The following SLC9A2 variants were observed in gnomAD, a reference collection of about 807,000 sequenced individuals.
SLC9A2 encodes sodium/hydrogen exchanger 2.
Under a neutral mutation model 71.7 loss-of-function variants are expected in SLC9A2, and 42 were observed. The ratio of observed to expected loss-of-function variants is 0.59; its 90% CI spans 0.46 to 0.76. The LOEUF (loss-of-function observed/expected upper bound fraction) is 0.76. SLC9A2 is among the 30% of genes least tolerant of loss of function. SLC9A2 has a pLI of 0.00. For missense variants in SLC9A2, 829 were observed against 1,017.4 expected (o/e 0.81, Z 2.52); for synonymous variants, 396 against 392.5 (o/e 1.01, Z -0.10).
chr2:102,640,396 G>T (rs1676552473), intron 1 of SLC9A2, among the ~76,000 whole-genome samples: 1 of 152,168 alleles, frequency 6.6e-6, no homozygotes, highest in Non-Finnish European at 1.5e-5. Flanking sequence ...CCACAAAACT[G>T]CCCATGATTC....
intron 1 of SLC9A2, among the ~76,000 whole-genome samples, chr2:102,627,131 A>G (rs902743815): frequency 9.7e-6 from 1 of 103,314 alleles, no homozygotes; most frequent in African/African-American, 4.7e-5. Flanking sequence ...TCAAAATGTT[A>G]ACAACAACAA....
chr2:102,642,042 TATAATAATA>T (rs10682813), intron 1 of SLC9A2, among the ~76,000 whole-genome samples: 2 of 149,696 alleles, frequency 1.3e-5, no homozygotes, highest in African/African-American at 2.5e-5. Flanking sequence ...GAACTTAAAA[TATAATAATA>T]ATAATAATAA....
intron 1 of SLC9A2, among the ~76,000 whole-genome samples, chr2:102,651,051 A>G (rs971769970): frequency 2.0e-5 from 3 of 152,182 alleles, no homozygotes; most frequent in Non-Finnish European, 4.4e-5. Context: ...CTATGGATTC[A>G]TCCCTGATCA....
chr2:102,659,860 C>G (rs1162709654), intron 2 of SLC9A2, among the ~76,000 whole-genome samples: 1 of 152,176 alleles, frequency 6.6e-6, no homozygotes, highest in Non-Finnish European at 1.5e-5. Flanking sequence ...GACTGAGGAC[C>G]TTTGAATGGG....
chr2:102,663,234 T>C (rs575952415), intron 2 of SLC9A2, among the ~76,000 whole-genome samples: 1 of 152,300 alleles, frequency 6.6e-6, no homozygotes, highest in Non-Finnish European at 1.5e-5. Flanking sequence ...GTCTCTTTTG[T>C]TCTTCTCTGA....
intron 1 of SLC9A2, among the ~76,000 whole-genome samples, chr2:102,642,379 A>G (rs1386119464): frequency 6.6e-6 from 1 of 152,208 alleles, no homozygotes; most frequent in Non-Finnish European, 1.5e-5. Flanking sequence ...TTAATCATGA[A>G]TAGATGTTGA....
At chr2:102,697,680 T>TGTATATCACA (rs575368675) in intron 7 of SLC9A2, among the ~76,000 whole-genome samples, 2 of 145,236 alleles carry the variant, frequency 1.4e-5, no homozygotes, top group African/African-American at 5.0e-5. Context: ...AGCAGGGAAG[T>TGTATATCACA]GGGTGCGGGG....
chr2:102,697,779 C>G (rs1374151515), intron 7 of SLC9A2, among the ~76,000 whole-genome samples: 1 of 151,272 alleles, frequency 6.6e-6, no homozygotes, highest in Admixed American at 6.6e-5. Flanking sequence ...AAATCAGCAT[C>G]AAAAAGAAGC....
chr2:102,642,196 G>T (rs1401404499), intron 1 of SLC9A2, among the ~76,000 whole-genome samples: 1 of 152,118 alleles, frequency 6.6e-6, no homozygotes, highest in Non-Finnish European at 1.5e-5. Flanking sequence ...TGATTTACAG[G>T]CTGTGCAAGC....
intron 1 of SLC9A2, among the ~76,000 whole-genome samples, chr2:102,638,701 A>G (rs1284274485): frequency 6.6e-6 from 1 of 152,258 alleles, no homozygotes; most frequent in Non-Finnish European, 1.5e-5. Context: ...TTCTTTAAAA[A>G]TGTGTCTGTG....
At chr2:102,695,558 G>A (rs1179025312) in intron 7 of SLC9A2, among the ~76,000 whole-genome samples, 1 of 151,654 alleles carries the variant, frequency 6.6e-6, no homozygotes, top group Non-Finnish European at 1.5e-5. Flanking sequence ...ATCAGAAGCT[G>A]CCATATGATT....
At chr2:102,677,049 A>G (rs1677357236) in intron 3 of SLC9A2, among the ~76,000 whole-genome samples, 1 of 152,228 alleles carries the variant, frequency 6.6e-6, no homozygotes, top group African/African-American at 2.4e-5. Context: ...AACTAGACTT[A>G]ACAAGCATTA....
chr2:102,671,060 G>A (rs182932099), intron 3 of SLC9A2, among the ~76,000 whole-genome samples: 5 of 152,064 alleles, frequency 3.3e-5, no homozygotes, highest in African/African-American at 1.2e-4. Context: ...ATTATATGAC[G>A]CATCATGTTT....
intron 1 of SLC9A2, among the ~76,000 whole-genome samples, chr2:102,644,813 A>G (rs115598587): frequency 0.042 from 6,443 of 152,288 alleles, 207 homozygotes; most frequent in Middle Eastern, 0.1. Flanking sequence ...GGGCTTATAG[A>G]TAAAACTCCC....
chr2:102,640,564 G>A (rs920022423), intron 1 of SLC9A2, among the ~76,000 whole-genome samples: 1 of 152,204 alleles, frequency 6.6e-6, no homozygotes, highest in African/African-American at 2.4e-5. Context: ...ATACAGATGA[G>A]CATCCAGGTG....
intron 3 of SLC9A2, among the ~76,000 whole-genome samples, chr2:102,669,336 G>C (rs1677201471): frequency 6.6e-6 from 1 of 152,142 alleles, no homozygotes; most frequent in South Asian, 2.1e-4. Context: ...ATTCAGAAGG[G>C]TTTTAGACTC....
intron 1 of SLC9A2, among the ~76,000 whole-genome samples, chr2:102,644,205 A>T (rs1210843580): frequency 6.6e-6 from 1 of 151,860 alleles, no homozygotes; most frequent in Middle Eastern, 3.2e-3. Flanking sequence ...ATAGGGCATC[A>T]CCTCACCCAG....
Position 102,674,634 on chromosome 2 carries a change from T to C in SLC9A2, c.1005-8627T>C, listed in dbSNP as rs1450622609. Among the ~76,000 whole-genome samples the C allele has an allele frequency of 2.0e-5, 3 of 152,312 alleles. No homozygotes were observed. The East Asian group carries it at 5.8e-4, about 29-fold the overall frequency. ...CTTGAGTCACCAGGCATCTTTGTAG[T>C]CAGGAGCCCAGCTGAAACAGTAGAG... On this transcript the variant is annotated intron_variant, in intron 3 of 11. Transcript: ENST00000233969.
At chr2:102,700,999 C>A in intron 7 of SLC9A2, 71 bp from the exon 8 acceptor site, 1 of 1,109,370 alleles carries the variant, frequency 9.0e-7, no homozygotes, top group Non-Finnish European at 1.3e-6. Flanking sequence ...GAAATGACTT[C>A]ATTGGTAAAA....
Sources: allele counts gnomAD v4.1 joint callset (sites outside exome capture counted in the v4.1 genomes callset), GRCh38; gene constraint gnomAD v4.1.1; transcripts MANE v1.5; gene names NCBI Gene and HGNC (gene_info 2026-07-23, HGNC 2026-07-21).